The following NKAIN3 variants were observed in gnomAD, a reference collection of about 807,000 sequenced individuals.
NKAIN3 encodes sodium/potassium transporting ATPase interacting 3.
A neutral mutation model predicts 30.2 loss-of-function variants in NKAIN3; 25 were observed. The ratio of observed to expected loss-of-function variants is 0.83; its 90% CI spans 0.60 to 1.16. The LOEUF (loss-of-function observed/expected upper bound fraction) is 1.16, where lower values mean the gene tolerates loss of function less well. Among genes scored for constraint, NKAIN3 ranks in the 50% most tolerant of loss-of-function variants. The probability of loss-of-function intolerance (pLI) is 0.00; values close to 1 mark genes in which losing one functional copy is unlikely to be tolerated. For missense variants in NKAIN3, 225 were observed against 254.1 expected (o/e 0.89, Z 0.78); for synonymous variants, 91 against 89.6 (o/e 1.02, Z -0.09).
chr8:62,439,141 G>A (rs905792414), intron 1 of NKAIN3, among the ~76,000 whole-genome samples: 3 of 152,174 alleles, frequency 2.0e-5, no homozygotes, highest in Non-Finnish European at 2.9e-5. Flanking sequence ...AGGAAAGAGC[G>A]ATATGATCTG....
intron 4 of NKAIN3, among the ~76,000 whole-genome samples, chr8:62,881,407 T>C (rs1233438338): frequency 6.6e-6 from 1 of 152,212 alleles, no homozygotes; most frequent in East Asian, 1.9e-4. Context: ...ACTAGCTCCT[T>C]TCACTTAGTA....
chr8:62,265,159 T>C (rs1168352706), intron 1 of NKAIN3, among the ~76,000 whole-genome samples: 1 of 152,204 alleles, frequency 6.6e-6, no homozygotes, highest in Non-Finnish European at 1.5e-5. Flanking sequence ...AACTGTCTAC[T>C]GCCCAAATCA....
rs549948536 is a variant in NKAIN3, at chr8:62,831,969, G to T, written c.471+84840G>T. Reference sequence around the variant, plus strand: ...CAATCTTAAAGGCAGCTTAAAAAAAGAAATATCAGACCATGTACAAAGAGA... The same window carrying T: ...CAATCTTAAAGGCAGCTTAAAAAAATAAATATCAGACCATGTACAAAGAGA... On this transcript the variant is annotated intron_variant, in intron 4 of 6. Transcript: ENST00000623646. 5.3e-5 allele frequency among the ~76,000 whole-genome samples: 8 copies of T among 152,080 alleles called. No individual in the cohort carries two copies. In the South Asian group the frequency reaches 1.2e-3, roughly 24 times the overall value.
intron 5 of NKAIN3, among the ~76,000 whole-genome samples, chr8:62,998,033 A>C (rs996111706): frequency 3.3e-5 from 5 of 152,020 alleles, no homozygotes; most frequent in Admixed American, 6.5e-5. Context: ...AGCCCAGTAC[A>C]TTTTTTCCAA....
chr8:62,415,299 T>C (rs895015596), intron 1 of NKAIN3, among the ~76,000 whole-genome samples: 3 of 145,314 alleles, frequency 2.1e-5, no homozygotes, highest in Non-Finnish European at 4.5e-5. Context: ...TATATATTTA[T>C]ATATATCTAC....
intron 1 of NKAIN3, among the ~76,000 whole-genome samples, chr8:62,477,691 A>T (rs1291581948): frequency 6.6e-6 from 1 of 152,108 alleles, no homozygotes; most frequent in African/African-American, 2.4e-5. Flanking sequence ...AGGAAAATGG[A>T]ATGGAGTAAC....
At chr8:62,810,245 C>T (rs1467383236) in intron 4 of NKAIN3, among the ~76,000 whole-genome samples, 1 of 152,108 alleles carries the variant, frequency 6.6e-6, no homozygotes, top group Admixed American at 6.6e-5. Context: ...AAAGCCTTTA[C>T]TCTGGAGAAA....
intron 1 of NKAIN3, among the ~76,000 whole-genome samples, chr8:62,308,627 T>C (rs1255955746): frequency 6.6e-6 from 1 of 150,416 alleles, no homozygotes; most frequent in African/African-American, 2.5e-5. Flanking sequence ...GTCACCTTCA[T>C]GGGTCATGGT....
intron 6 of NKAIN3, among the ~76,000 whole-genome samples, chr8:62,954,981 T>G (rs1365395443): frequency 1.3e-5 from 2 of 152,140 alleles, no homozygotes; most frequent in African/African-American, 2.4e-5. Flanking sequence ...ATAGAAGAAA[T>G]TATGTAAAAT....
chr8:62,965,699 A>G lies in NKAIN3; in HGVS notation c.*292A>G. Reference sequence around the variant, plus strand: ...TTAATGTGAGGCATGCAAAATGAAAAAGCAAATCTGTGAAAACCTTCTACA... The same window carrying G: ...TTAATGTGAGGCATGCAAAATGAAAGAGCAAATCTGTGAAAACCTTCTACA... On this transcript the variant is annotated 3_prime_UTR_variant, in exon 7 of 7. Transcript: ENST00000623646. 1 of 983,728 alleles carries G rather than the reference A, an allele frequency of 1.0e-6. No homozygotes were observed. The highest frequency in any genetic ancestry group is 1.2e-6 in the Non-Finnish European group (1 of 828,448). The allele number at this position is 983,728 out of a possible 1,614,324, so 60.9% of individuals were successfully genotyped here. A position where few individuals can be genotyped will look rare whatever the true frequency, so the allele number is the denominator to read the frequency against.
At chr8:62,345,324 T>C (rs961933154) in intron 1 of NKAIN3, among the ~76,000 whole-genome samples, 5 of 24,048 alleles carry the variant, frequency 2.1e-4, no homozygotes, top group East Asian at 2.9e-3. Context: ...CACACATATA[T>C]ACACATATAT....
At chr8:62,817,840 A>T (rs1818732020) in intron 4 of NKAIN3, among the ~76,000 whole-genome samples, 1 of 152,132 alleles carries the variant, frequency 6.6e-6, no homozygotes, top group African/African-American at 2.4e-5. Context: ...TGGCTCACAG[A>T]CCAGGGTCCA....
At chr8:62,929,103 G>A (rs943731602) in intron 5 of NKAIN3, among the ~76,000 whole-genome samples, 1 of 152,186 alleles carries the variant, frequency 6.6e-6, no homozygotes, top group Non-Finnish European at 1.5e-5. Context: ...CCTGGCAGAA[G>A]GAGCAGTAAG....
At chr8:62,943,003 AGCAAGT>A (rs1172943324) in intron 5 of NKAIN3, among the ~76,000 whole-genome samples, 1 of 152,182 alleles carries the variant, frequency 6.6e-6, no homozygotes, top group East Asian at 1.9e-4. Context: ...AGAACCTAAA[AGCAAGT>A]GCAACAAAAA....
Position 62,406,327 on chromosome 8 carries a change from T to C in NKAIN3, c.54+157200T>C, listed in dbSNP as rs181635988. Reference sequence around the variant, plus strand: ...AATTTGTCTGCTGTAAAATATGAACTATGTATGTAAGCTCTTAAGAGAGAG... The same window carrying C: ...AATTTGTCTGCTGTAAAATATGAACCATGTATGTAAGCTCTTAAGAGAGAG... On this transcript the variant is annotated intron_variant, in intron 1 of 6. Transcript: ENST00000623646. Among the ~76,000 whole-genome samples the C allele has an allele frequency of 3.7e-4, 56 of 152,316 alleles. 1 individual carries two copies. In the East Asian group the frequency reaches 9.1e-3, roughly 25 times the overall value.
intron 4 of NKAIN3, among the ~76,000 whole-genome samples, chr8:62,808,225 G>T (rs1314260915): frequency 6.6e-6 from 1 of 152,068 alleles, no homozygotes; most frequent in East Asian, 1.9e-4. Flanking sequence ...ACTACTTTGG[G>T]TTCTATTTTC....
At chr8:62,849,934 T>C (rs1469826131) in intron 4 of NKAIN3, among the ~76,000 whole-genome samples, 2 of 152,114 alleles carry the variant, frequency 1.3e-5, no homozygotes, top group Non-Finnish European at 2.9e-5. Flanking sequence ...TGTGTCTTTA[T>C]AGCAGCATGA....
At chr8:62,636,301 AT>A (rs2130284537) in intron 3 of NKAIN3, among the ~76,000 whole-genome samples, 1 of 152,288 alleles carries the variant, frequency 6.6e-6, no homozygotes, top group South Asian at 2.1e-4. Context: ...GGACATACTC[AT>A]TTTTTGAGTT....
At chr8:62,742,162 TA>T (rs1815924281) in intron 3 of NKAIN3, among the ~76,000 whole-genome samples, 1 of 151,844 alleles carries the variant, frequency 6.6e-6, no homozygotes, top group African/African-American at 2.4e-5. Context: ...TACTCAGGAC[TA>T]AAAGACTAAT....
Sources: gnomAD v4.1 joint callset for allele counts (sites outside exome capture counted in the v4.1 genomes callset) on GRCh38, gnomAD v4.1.1 for gene constraint, MANE v1.5 for transcripts, NCBI Gene and HGNC (gene_info 2026-07-23, HGNC 2026-07-21) for gene names.